Variants in ITGA6 observed in about 807,000 individuals in gnomAD.
ITGA6 encodes the protein integrin subunit alpha 6.
ITGA6 carries 63 observed loss-of-function variants against 133.6 expected under a neutral mutation model. The observed-to-expected ratio is 0.47, with a 90% CI of 0.38 to 0.58. The LOEUF (loss-of-function observed/expected upper bound fraction) is 0.58, where lower values mean the gene tolerates loss of function less well. ITGA6 is among the 20% of genes least tolerant of loss of function. The pLI is 0.00. For synonymous variants in ITGA6, 434 were observed against 482.0 expected (o/e 0.90, Z 1.30); for missense variants, 1,068 against 1,309.4 (o/e 0.82, Z 2.85).
intron 1 of ITGA6, among the ~76,000 whole-genome samples, chr2:172,442,241 A>G (rs1233810386): frequency 1.3e-5 from 2 of 152,092 alleles, no homozygotes; most frequent in Non-Finnish European, 2.9e-5. Flanking sequence ...CCACTGACTC[A>G]CTCTGCTTGG....
intron 1 of ITGA6, chr2:172,428,600 C>G (rs545864892): frequency 6.6e-6 from 1 of 150,910 alleles, no homozygotes; most frequent in Non-Finnish European, 1.5e-5. Context: ...AACACCTGTT[C>G]GCTGGACTAG....
chr2:172,459,920 G>A (rs1176209974), intron 1 of ITGA6, among the ~76,000 whole-genome samples: 1 of 152,150 alleles, frequency 6.6e-6, no homozygotes. Context: ...GATTTAACGC[G>A]GGTATGGCTT....
At chr2:172,429,966 GTGGGTGTAAA>G (rs1051365611) in intron 1 of ITGA6, among the ~76,000 whole-genome samples, 46 of 152,308 alleles carry the variant, frequency 3.0e-4, no homozygotes, top group African/African-American at 1.1e-3. Flanking sequence ...AGTAAAGAAT[GTGGGTGTAAA>G]TGGCAGAGCC....
chr2:172,450,856 TTATA>T (rs1559122762), intron 1 of ITGA6, among the ~76,000 whole-genome samples: 1 of 147,120 alleles, frequency 6.8e-6, no homozygotes, highest in Admixed American at 6.8e-5. Context: ...ATTTATGTAT[TTATA>T]TAATATACAA....
chr2:172,468,011 G>A (rs182111386), intron 3 of ITGA6, among the ~76,000 whole-genome samples: 148 of 152,214 alleles, frequency 9.7e-4, no homozygotes, highest in African/African-American at 3.4e-3. Context: ...TGTGATTCCT[G>A]ATATACTTAG....
chr2:172,488,785 C>T (rs1272060284), intron 19 of ITGA6, among the ~76,000 whole-genome samples: 1 of 152,116 alleles, frequency 6.6e-6, no homozygotes, highest in African/African-American at 2.4e-5. Context: ...AAGCATGGGC[C>T]CACCTGACTC....
At chr2:172,459,472 C>T (rs1685341880) in intron 1 of ITGA6, among the ~76,000 whole-genome samples, 1 of 152,144 alleles carries the variant, frequency 6.6e-6, no homozygotes, top group South Asian at 2.1e-4. Flanking sequence ...CCACTGCACT[C>T]CAGCCTGGGC....
intron 1 of ITGA6, among the ~76,000 whole-genome samples, chr2:172,453,793 G>T (rs2149020877): frequency 1.3e-5 from 2 of 152,322 alleles, no homozygotes; most frequent in Admixed American, 1.3e-4. Flanking sequence ...ACTGGAGTTT[G>T]TCTTTTAATT....
At chr2:172,455,001 TA>T (rs989057820) in intron 1 of ITGA6, among the ~76,000 whole-genome samples, 2 of 151,572 alleles carry the variant, frequency 1.3e-5, no homozygotes, top group South Asian at 2.1e-4. Flanking sequence ...AAATAAAAGT[TA>T]AAAAAAAGCT....
At chr2:172,433,341 T>TA (rs1430152076) in intron 1 of ITGA6, among the ~76,000 whole-genome samples, 1 of 152,162 alleles carries the variant, frequency 6.6e-6, no homozygotes, top group Admixed American at 6.5e-5. Context: ...AAGCTGTTCT[T>TA]AAAGTCTTCT....
chr2:172,463,727 G>C (rs1425061415), intron 1 of ITGA6, among the ~76,000 whole-genome samples: 1 of 152,106 alleles, frequency 6.6e-6, no homozygotes, highest in Non-Finnish European at 1.5e-5. Context: ...AAAGTCCTGG[G>C]GTTCTGGGCC....
intron 1 of ITGA6, among the ~76,000 whole-genome samples, chr2:172,456,392 A>G (rs7340348): frequency 0.016 from 2,482 of 152,308 alleles, 62 homozygotes; most frequent in African/African-American, 0.056. Flanking sequence ...GTGCTGTTGA[A>G]TTCAAGCTGC....
rs1686355333 is a variant in ITGA6, at chr2:172,479,887, A to G, written c.1488-103A>G. ...TGTCAAGTGTTTTTATAACATGTTG[A>G]TCATCAATGGGCATTGGGGGGATTG... On this transcript the variant is annotated intron_variant, in intron 10 of 25. Transcript: ENST00000684293. The G allele has an allele frequency of 4.7e-6, 5 of 1,059,558 alleles. No individual in the cohort carries two copies. In the South Asian group the frequency reaches 6.3e-5, roughly 13 times the overall value. 65.6% of individuals were successfully genotyped at this position (1,059,558 alleles called of 1,614,324 possible).
At chr2:172,498,588 A>G (rs1394836244) in intron 24 of ITGA6, among the ~76,000 whole-genome samples, 2 of 152,254 alleles carry the variant, frequency 1.3e-5, no homozygotes, top group Non-Finnish European at 2.9e-5. Context: ...GGGGGTCACT[A>G]TAGCGTGTAT....
rs1001726462 is a variant in ITGA6 at position 172,427,615 on chromosome 2, C to T, written c.-174C>T. On this transcript the variant is annotated 5_prime_UTR_variant, in exon 1 of 26. Coordinates refer to ENST00000684293, the MANE Select transcript of ITGA6 (RefSeq NM_000210.4). ...GGCTCATTCAGCGGTCGCGAGCTGC[C>T]CGCGAGGGGGAGCGGCCGGACGGAG... The T allele has an allele frequency of 7.8e-7, 1 of 1,280,410 alleles. No individual in the cohort carries two copies. The allele number at this position is 1,280,410 out of a possible 1,614,324, so 79.3% of individuals were successfully genotyped here.
rs765788081 is a variant in ITGA6, at chr2:172,469,149, A to C, written c.412A>C (p.Arg138=). The C allele has an allele frequency of 6.2e-7, 1 of 1,614,158 alleles. No homozygotes were observed. The highest frequency in any genetic ancestry group is 1.1e-5 in the South Asian group (1 of 91,078). Residue 138 remains arginine (R), a synonymous_variant, in exon 4 of 26, where the codon AGG becomes CGG. Transcript: ENST00000684293. ...VVTCAHRYEK[R]QHVNTKQESR... ...GACATGTGCTCACCGATATGAAAAA[A>C]GGCAGCATGTTAATACGAAGCAGGA...
rs372607792 is a variant in ITGA6 at position 172,489,561 on chromosome 2, A to G, written c.2582A>G (p.Asn861Ser). The change falls in exon 20 of 26, where the codon AAT (asparagine) becomes AGT (serine). Residue 861 changes from asparagine (N) to serine (S), a missense_variant. This residue lies in a region of ITGA6 where 609 missense variants were observed against 707.2 expected (regional missense o/e 0.86). Transcript: ENST00000684293. ...ATTCAGTGGCCAAAAGAAATTAGCA[A>G]TGGGAAATGGTTGCTTTATTTGGTG... Reference protein sequence around the residue: ...LNIQWPKEISNGKWLLYLVKV... With the variant: ...LNIQWPKEISSGKWLLYLVKV... The G allele has an allele frequency of 1.9e-5, 30 of 1,613,958 alleles. No homozygotes were observed. Among genetic ancestry groups the G allele is most frequent in the African/African-American group, 5.3e-5 (4 of 74,936 alleles).
chr2:172,427,374 G>T (rs763583757), upstream of ITGA6: 16 of 1,010,414 alleles, frequency 1.6e-5, no homozygotes, highest in Non-Finnish European at 1.9e-5. Context: ...ACAGAGGGCG[G>T]CGCAGTGGGG....
At chr2:172,468,527 A>G (rs138027031) in intron 3 of ITGA6, among the ~76,000 whole-genome samples, 40 of 152,374 alleles carry the variant, frequency 2.6e-4, no homozygotes, top group Non-Finnish European at 5.3e-4. Flanking sequence ...TAGAAATTAT[A>G]GAGATTATTT....
Sources: allele counts gnomAD v4.1 joint callset (sites outside exome capture counted in the v4.1 genomes callset), GRCh38; gene constraint gnomAD v4.1.1; regional missense constraint gnomAD v4.1.1; transcripts MANE v1.5; gene names NCBI Gene and HGNC (gene_info 2026-07-23, HGNC 2026-07-21).